ALG9: variants seen among roughly 807,000 people sequenced by gnomAD.
ALG9 encodes alpha-1,2-mannosyltransferase ALG9.
In ALG9, 55 loss-of-function variants were observed where a neutral mutation model predicts 81.8. That is an observed-to-expected ratio of 0.67 (90% confidence interval 0.54 to 0.84). The LOEUF (loss-of-function observed/expected upper bound fraction) is 0.84. Ranked by LOEUF, ALG9 falls within the 40% of genes least tolerant of loss-of-function variation. The pLI, the probability that ALG9 is intolerant of heterozygous loss-of-function variation, is 0.00. For missense variants in ALG9, 629 were observed against 745.0 expected, an observed-to-expected ratio of 0.84 and a Z score of 1.81; for synonymous variants, 278 against 274.3, an observed-to-expected ratio of 1.01 and a Z score of -0.13.
intron 11 of ALG9, 69 bp from the exon 12 acceptor site, chr11:111,837,684 T>C: frequency 6.5e-7 from 1 of 1,543,494 alleles, no homozygotes; most frequent in Non-Finnish European, 8.9e-7. Context: ...ATTATACTGC[T>C]CATTAATGTC....
At chr11:111,794,226 A>G (rs1375650680) in intron 14 of ALG9, among the ~76,000 whole-genome samples, 1 of 152,244 alleles carries the variant, frequency 6.6e-6, no homozygotes, top group Non-Finnish European at 1.5e-5. Flanking sequence ...TTCAGCAGGC[A>G]CAAATGGAAA....
chr11:111,768,842 CGT>C, the ALG9 span: 119 of 143,092 alleles, frequency 8.3e-4, 1 homozygote, highest in African/African-American at 1.5e-3. Flanking sequence ...TGTGTGTGTG[CGT>C]GTGTGTGTGT....
At chr11:111,853,534 C>G in intron 7 of ALG9, 49 bp from the exon 8 acceptor site, 2 of 1,574,994 alleles carry the variant, frequency 1.3e-6, no homozygotes, top group Non-Finnish European at 1.7e-6. Flanking sequence ...TCTCAAAATG[C>G]TAATAGGATA....
At chr11:111,840,069 G>C (rs1955982656) in intron 10 of ALG9, among the ~76,000 whole-genome samples, 1 of 152,094 alleles carries the variant, frequency 6.6e-6, no homozygotes, top group Non-Finnish European at 1.5e-5. Flanking sequence ...CCTTTAAATA[G>C]GTAAACTGTA....
intron 13 of ALG9, among the ~76,000 whole-genome samples, chr11:111,812,915 C>CAAA (rs57311061): frequency 1.0e-5 from 1 of 98,770 alleles, no homozygotes; most frequent in Admixed American, 1.1e-4. Context: ...GACTCTGTCT[C>CAAA]AAAAAAAAAA....
In ALG9 at chr11:111,857,590, T is replaced by C. The variant is rs782286389; in HGVS notation, c.701+12A>G. The C allele has an allele frequency of 1.9e-6, 3 of 1,613,960 alleles. No individual in the cohort carries two copies. Among genetic ancestry groups the C allele is most frequent in the East Asian group, 2.2e-5 (1 of 44,892 alleles). ...CCAGCGATATATGGGAGGAGAACTG[T>C]TAGTTTCTTACCCAAGAGCTGCACT... On this transcript the variant is annotated intron_variant, in intron 6 of 14. Coordinates refer to ENST00000616540, the MANE Select transcript of ALG9 (RefSeq NM_024740.2).
downstream of ALG9, chr11:111,778,126 C>G (rs1209812910): frequency 4.7e-5 from 7 of 150,146 alleles, no homozygotes; most frequent in Non-Finnish European, 1.0e-4. Context: ...TTCACACCTT[C>G]TTTTTTTTTT....
intron 8 of ALG9, among the ~76,000 whole-genome samples, chr11:111,847,116 T>C (rs1957056386): frequency 1.3e-5 from 2 of 152,098 alleles, no homozygotes; most frequent in Non-Finnish European, 2.9e-5. Flanking sequence ...CTGTAGGAAC[T>C]AAATCATAGT....
Position 111,868,622 on chromosome 11 carries a change from T to C in ALG9, c.385A>G (p.Arg129Gly), listed in dbSNP as rs782425862. 8 of 1,613,960 alleles carry C rather than the reference T, an allele frequency of 5.0e-6. No individual in the cohort carries two copies. The Admixed American group carries it at 8.3e-5, about 17-fold the overall frequency. ...LHAWPAAFHA[R>G]ILQTNKILVF... Reference sequence around the variant, plus strand: ...CTTACCTTATTAGTTTGTAGAATTCTTGCATGAAATGCAGCTGGCCAGGCA... The same window carrying C: ...CTTACCTTATTAGTTTGTAGAATTCCTGCATGAAATGCAGCTGGCCAGGCA... Residue 129 changes from arginine (R) to glycine (G), a missense_variant, in exon 3 of 15, where the codon AGA (arginine) becomes GGA (glycine). Transcript: ENST00000616540.
At chr11:111,805,817 A>G (rs782359945) in intron 14 of ALG9, among the ~76,000 whole-genome samples, 14 of 152,278 alleles carry the variant, frequency 9.2e-5, no homozygotes, top group Non-Finnish European at 1.3e-4. Context: ...ATGATGTGTC[A>G]ATATAGGTTC....
At chr11:111,828,424 C>A (rs1953753609) in intron 13 of ALG9, among the ~76,000 whole-genome samples, 1 of 152,172 alleles carries the variant, frequency 6.6e-6, no homozygotes. Flanking sequence ...AACGTACTTG[C>A]CTTGTGCACT....
chr11:111,840,533 G>C (rs1427101570), intron 10 of ALG9, 122 bp downstream of exon 10: 4 of 1,154,978 alleles, frequency 3.5e-6, no homozygotes, highest in Non-Finnish European at 3.9e-6. Flanking sequence ...ATCTATATCA[G>C]GTTTAATGTT....
chr11:111,791,174 T>C (rs782459904), intron 14 of ALG9, among the ~76,000 whole-genome samples: 2 of 152,238 alleles, frequency 1.3e-5, no homozygotes, highest in Non-Finnish European at 2.9e-5. Context: ...GCCTACTATA[T>C]GTAAGCATTT....
At chr11:111,855,717 G>A (rs1343929067) in intron 6 of ALG9, among the ~76,000 whole-genome samples, 1 of 152,158 alleles carries the variant, frequency 6.6e-6, no homozygotes, top group Non-Finnish European at 1.5e-5. Context: ...GCTCAAGAGA[G>A]ATAACTGGAC....
intron 8 of ALG9, among the ~76,000 whole-genome samples, chr11:111,851,464 C>T (rs576728077): frequency 3.2e-4 from 38 of 118,986 alleles, no homozygotes; most frequent in African/African-American, 1.1e-3. Flanking sequence ...GTGACAAGAG[C>T]GAAACTCCAT....
intron 13 of ALG9, 138 bp downstream of exon 13, chr11:111,836,027 G>A (rs927548633): frequency 3.3e-5 from 37 of 1,109,422 alleles, no homozygotes; most frequent in Non-Finnish European, 5.0e-5. Context: ...GGGATTACAG[G>A]TGTGAGCCAC....
intron 8 of ALG9, among the ~76,000 whole-genome samples, 200 bp downstream of exon 8, chr11:111,853,180 T>A (rs1478316077): frequency 1.3e-5 from 2 of 151,950 alleles, no homozygotes; most frequent in Non-Finnish European, 2.9e-5. Flanking sequence ...AGTATTGGAA[T>A]ATCACATTAA....
chr11:111,780,373 T>C (rs1235300463), downstream of ALG9, among the ~76,000 whole-genome samples: 1 of 151,028 alleles, frequency 6.6e-6, no homozygotes, highest in Non-Finnish European at 1.5e-5. Flanking sequence ...GCAGGATTTA[T>C]AATTTGCCGT....
chr11:111,807,561 T>G (rs1397253425), intron 14 of ALG9, among the ~76,000 whole-genome samples: 1 of 152,244 alleles, frequency 6.6e-6, no homozygotes, highest in Non-Finnish European at 1.5e-5. Flanking sequence ...ACTATATAAC[T>G]TATTTTCTTG....
Sources: allele counts gnomAD v4.1 joint callset (sites outside exome capture counted in the v4.1 genomes callset), GRCh38; gene constraint gnomAD v4.1.1; transcripts MANE v1.5; gene names NCBI Gene and HGNC (gene_info 2026-07-23, HGNC 2026-07-21).